Variants in PLPPR1 observed in about 807,000 individuals in gnomAD.
PLPPR1 encodes the protein phospholipid phosphatase related 1.
PLPPR1 carries 10 observed loss-of-function variants against 33.1 expected under a neutral mutation model. The observed-to-expected ratio is 0.30, with a 90% CI of 0.19 to 0.51. The LOEUF (loss-of-function observed/expected upper bound fraction) is 0.51, where lower values mean the gene tolerates loss of function less well. PLPPR1 is among the 20% of genes least tolerant of loss of function. The probability of loss-of-function intolerance (pLI) is 0.97; values close to 1 mark genes in which losing one functional copy is unlikely to be tolerated. For missense variants in PLPPR1, 304 were observed against 408.1 expected (o/e 0.74, Z 2.20); for synonymous variants, 151 against 151.0 (o/e 1.00, Z 0.00).
At chr9:101,250,453 C>A (rs981728304) in intron 2 of PLPPR1, among the ~76,000 whole-genome samples, 2 of 152,072 alleles carry the variant, frequency 1.3e-5, no homozygotes, top group Non-Finnish European at 2.9e-5. Context: ...AGTACCTTCC[C>A]TTTCCTACTG....
chr9:101,177,673 ATAT>A (rs1021143325), intron 1 of PLPPR1, among the ~76,000 whole-genome samples: 17 of 148,224 alleles, frequency 1.1e-4, no homozygotes, highest in African/African-American at 4.1e-4. Context: ...GAAACAAAAA[ATAT>A]TATTTTAGTT....
intron 1 of PLPPR1, among the ~76,000 whole-genome samples, chr9:101,049,658 T>G (rs751048581): frequency 1.3e-5 from 2 of 152,180 alleles, no homozygotes; most frequent in Non-Finnish European, 2.9e-5. Flanking sequence ...TAAACTCTGA[T>G]GGGCTGGCTC....
intron 2 of PLPPR1, among the ~76,000 whole-genome samples, chr9:101,203,467 A>G (rs1588070708): frequency 6.6e-6 from 1 of 152,236 alleles, no homozygotes; most frequent in East Asian, 1.9e-4. Context: ...ATGGCCTTGA[A>G]GAAATCACTT....
At chr9:101,287,116 C>A (rs1388502039) in intron 4 of PLPPR1, among the ~76,000 whole-genome samples, 2 of 152,148 alleles carry the variant, frequency 1.3e-5, no homozygotes, top group Admixed American at 1.3e-4. Context: ...ATCAAATATG[C>A]AATAACTTGT....
chr9:101,116,631 G>T (rs1369012751), intron 1 of PLPPR1, among the ~76,000 whole-genome samples: 1 of 152,000 alleles, frequency 6.6e-6, no homozygotes, highest in African/African-American at 2.4e-5. Flanking sequence ...TGGCCAAGAT[G>T]GTGAAACCCC....
At chr9:101,261,271 T>TA (rs897879140) in intron 2 of PLPPR1, among the ~76,000 whole-genome samples, 3 of 152,218 alleles carry the variant, frequency 2.0e-5, no homozygotes, top group Non-Finnish European at 2.9e-5. Flanking sequence ...GACTTACTTT[T>TA]ATAATATCTG....
intron 1 of PLPPR1, among the ~76,000 whole-genome samples, chr9:101,160,783 T>G (rs746835041): frequency 1.3e-5 from 2 of 152,124 alleles, no homozygotes; most frequent in Non-Finnish European, 2.9e-5. Flanking sequence ...GCAAATATGA[T>G]TTTGAAAAAA....
At chr9:101,278,452 G>A (rs1828236778) in intron 3 of PLPPR1, among the ~76,000 whole-genome samples, 1 of 152,176 alleles carries the variant, frequency 6.6e-6, no homozygotes, top group Non-Finnish European at 1.5e-5. Flanking sequence ...CGAGAGATCA[G>A]AGTAACTGGT....
intron 1 of PLPPR1, among the ~76,000 whole-genome samples, chr9:101,181,608 A>ATGTATGTGTG (rs1826111446): frequency 7.7e-6 from 1 of 129,624 alleles, no homozygotes; most frequent in African/African-American, 2.7e-5. Flanking sequence ...GGGTATATGT[A>ATGTATGTGTG]TGTGTGTGTG....
chr9:101,293,618 G>A (rs1214155285), intron 4 of PLPPR1, among the ~76,000 whole-genome samples: 2 of 152,118 alleles, frequency 1.3e-5, no homozygotes, highest in East Asian at 3.8e-4. Flanking sequence ...AGACCACAGT[G>A]CAATCAAACT....
At chr9:101,249,866 C>T (rs1827686229) in intron 2 of PLPPR1, among the ~76,000 whole-genome samples, 1 of 152,066 alleles carries the variant, frequency 6.6e-6, no homozygotes, top group African/African-American at 2.4e-5. Flanking sequence ...CATCTCTTCT[C>T]ATCTCTTGCT....
chr9:101,106,311 G>A (rs1348858913), intron 1 of PLPPR1, among the ~76,000 whole-genome samples: 9 of 131,408 alleles, frequency 6.8e-5, no homozygotes, highest in Non-Finnish European at 9.6e-5. Flanking sequence ...CATGTTTAGC[G>A]CTTCCTTCAG....
chr9:101,312,850 T>C lies in PLPPR1; in HGVS notation c.689T>C (p.Val230Ala), dbSNP rs1178515380. ...AAGAGCAGTCGACTGGCCAAGCCGGTGCTGTGCCTCGGAACTCTCTGCACA... is the reference window on the plus strand; with the variant it reads ...AAGAGCAGTCGACTGGCCAAGCCGGCGCTGTGCCTCGGAACTCTCTGCACA... ...KTKSSRLAKP[V>A]LCLGTLCTAF... The change falls in exon 6 of 8, where the codon GTG (valine) becomes GCG (alanine). Residue 230 changes from valine (V) to alanine (A), a missense_variant. Val to Ala is a moderately conservative substitution (Grantham distance 64). Coordinates refer to ENST00000374874, the MANE Select transcript of PLPPR1 (RefSeq NM_207299.2). 1 of 1,614,194 alleles carries C rather than the reference T, an allele frequency of 6.2e-7. No individual in the cohort carries two copies. The highest frequency in any genetic ancestry group is 8.5e-7 in the Non-Finnish European group (1 of 1,180,030).
At chr9:101,115,228 G>A (rs1831104482) in intron 1 of PLPPR1, among the ~76,000 whole-genome samples, 1 of 152,194 alleles carries the variant, frequency 6.6e-6, no homozygotes, top group Non-Finnish European at 1.5e-5. Flanking sequence ...CTTTCCAAAT[G>A]GAGCTTCAGG....
intron 2 of PLPPR1, 93 bp from the exon 3 acceptor site, chr9:101,269,787 C>T (rs1435334340): frequency 1.3e-5 from 16 of 1,218,362 alleles, no homozygotes; most frequent in South Asian, 7.3e-5. Flanking sequence ...TCAGGAGAGC[C>T]GCTGCTGGGG....
At chr9:101,057,735 G>C (rs751403526) in intron 1 of PLPPR1, among the ~76,000 whole-genome samples, 1 of 152,160 alleles carries the variant, frequency 6.6e-6, no homozygotes, top group Non-Finnish European at 1.5e-5. Flanking sequence ...AAGAAGCCTG[G>C]AGGTTGAACC....
intron 1 of PLPPR1, among the ~76,000 whole-genome samples, chr9:101,067,867 C>T (rs1830437592): frequency 6.6e-6 from 1 of 152,032 alleles, no homozygotes; most frequent in Non-Finnish European, 1.5e-5. Flanking sequence ...AGCTGTATGA[C>T]CTTGAGTAGT....
chr9:101,281,432 CA>C (rs990112103), intron 3 of PLPPR1, among the ~76,000 whole-genome samples: 62 of 152,034 alleles, frequency 4.1e-4, no homozygotes, highest in Admixed American at 1.6e-3. Context: ...TATGACATCA[CA>C]AAAGACCCAG....
At chr9:101,182,538 A>T (rs1168339082) in intron 1 of PLPPR1, among the ~76,000 whole-genome samples, 1 of 151,750 alleles carries the variant, frequency 6.6e-6, no homozygotes, top group Non-Finnish European at 1.5e-5. Context: ...GGAGACAGCT[A>T]ATGGGAACAG....
Sources: gnomAD v4.1 joint callset for allele counts (sites outside exome capture counted in the v4.1 genomes callset) on GRCh38, gnomAD v4.1.1 for gene constraint, MANE v1.5 for transcripts, NCBI Gene and HGNC (gene_info 2026-07-23, HGNC 2026-07-21) for gene names.